The following ADIG variants were observed in gnomAD, a reference collection of about 807,000 sequenced individuals.
ADIG encodes adipogenin.
In ADIG, 12 loss-of-function variants were observed where a neutral mutation model predicts 10.7. That is an observed-to-expected ratio of 1.12 (90% CI 0.72 to 1.82). The LOEUF (loss-of-function observed/expected upper bound fraction) is 1.82, where lower values mean the gene tolerates loss of function less well. Ranked by LOEUF, ADIG falls within the 40% of genes most tolerant of loss-of-function variation. The probability of loss-of-function intolerance (pLI) is 0.00; values close to 1 mark genes in which losing one functional copy is unlikely to be tolerated. For synonymous variants in ADIG, 32 were observed against 35.6 expected (o/e 0.90, Z 0.36); for missense variants, 72 against 92.5 (o/e 0.78, Z 0.91).
rs1405429227 is a variant in ADIG at position 38,588,236 on chromosome 20, T to A, written c.*150T>A. The A allele has an allele frequency of 1.5e-6, 2 of 1,304,274 alleles. No homozygotes were observed. Among genetic ancestry groups the A allele is most frequent in the Non-Finnish European group, 1.0e-6 (1 of 988,872 alleles). The allele number at this position is 1,304,274 out of a possible 1,614,324, so 80.8% of individuals were successfully genotyped here. A position where few individuals can be genotyped will look rare whatever the true frequency, so the allele number is the denominator to read the frequency against. On this transcript the variant is annotated 3_prime_UTR_variant, in exon 3 of 3. Coordinates refer to ENST00000537425, the MANE Select transcript of ADIG (RefSeq NM_001393816.1). ...AACTCATCTCCTCTTCAGACCGACA[T>A]GTGAAAGCCTCCAGAGGTCCCAGCC...
In ADIG at chr20:38,586,189, G is replaced by A. The variant is rs1299501526; in HGVS notation, c.*14+28G>A. 11 of 1,540,006 alleles carry A rather than the reference G, an allele frequency of 7.1e-6. No individual in the cohort carries two copies. The East Asian group carries it at 2.2e-4, about 31-fold the overall frequency. On this transcript the variant is annotated intron_variant, in intron 2 of 2. Transcript: ENST00000537425. Reference sequence around the variant, plus strand: ...GAGGCCCTTCCAGGGGCCAGGGGGAGCCTCAAGGCCCACCCAAAGCCTTGG... The same window carrying A: ...GAGGCCCTTCCAGGGGCCAGGGGGAACCTCAAGGCCCACCCAAAGCCTTGG...
rs1417280479 is a variant in ADIG, at chr20:38,581,334, G to A, written c.84G>A (p.Leu28=). The A allele has an allele frequency of 1.9e-6, 3 of 1,613,886 alleles. No homozygotes were observed. Among genetic ancestry groups the A allele is most frequent in the Non-Finnish European group, 2.5e-6 (3 of 1,179,892 alleles). ...VFWFCLPVGL[L]LLLIIWLRFL... The stretch of plus-strand genomic sequence containing the variant: ...GGTTCTGCCTCCCTGTGGGTTTGCT[G>A]TTGTTATTGATCATCTGGCTACGCT... Residue 28 remains leucine (L), a synonymous_variant, in exon 1 of 3, where the codon CTG becomes CTA. Transcript: ENST00000537425.
At chr20:38,585,577 T>C (rs555318644) in intron 1 of ADIG, 1 of 1,505,154 alleles carries the variant, frequency 6.6e-7, no homozygotes, top group South Asian at 1.2e-5. Flanking sequence ...TCTGTGGACG[T>C]GGACACAGTT....
chr20:38,586,368 C>T (rs1601120916), intron 2 of ADIG: 3 of 536,074 alleles, frequency 5.6e-6, no homozygotes, highest in African/African-American at 1.9e-5. Context: ...GCCCCCTGTG[C>T]CACAAGGAGC....
At chr20:38,583,496 T>C (rs1763218456) in intron 1 of ADIG, among the ~76,000 whole-genome samples, 1 of 152,222 alleles carries the variant, frequency 6.6e-6, no homozygotes, top group Non-Finnish European at 1.5e-5. Context: ...TATCGGGTAC[T>C]TACAGGGCAG....
chr20:38,586,634 G>A (rs1432247622), intron 2 of ADIG, among the ~76,000 whole-genome samples: 1 of 152,072 alleles, frequency 6.6e-6, no homozygotes, highest in Non-Finnish European at 1.5e-5. Flanking sequence ...CTTCTAACAC[G>A]TTTGATCGTG....
chr20:38,587,987 C>T (rs1410900034), intron 2 of ADIG, 114 bp from the exon 3 acceptor site: 1 of 1,181,012 alleles, frequency 8.5e-7, no homozygotes, highest in African/African-American at 1.6e-5. Flanking sequence ...ATCCACCTGC[C>T]TCGGCTTCCC....
At chr20:38,585,713 T>C in intron 1 of ADIG, 1 of 646,890 alleles carries the variant, frequency 1.5e-6, no homozygotes. Flanking sequence ...CCTGGATGGG[T>C]CAATAACTGT....
At chr20:38,581,950 GACATTCACC>G (rs2088594672) in intron 1 of ADIG, among the ~76,000 whole-genome samples, 1 of 152,230 alleles carries the variant, frequency 6.6e-6, no homozygotes, top group African/African-American at 2.4e-5. Context: ...GAAGCCAGCT[GACATTCACC>G]CTGACCTCAG....
chr20:38,583,139 T>G lies in ADIG; in HGVS notation c.124+1765T>G, dbSNP rs571540730. Among the ~76,000 whole-genome samples, 4 of 152,304 alleles carry G rather than the reference T, an allele frequency of 2.6e-5. No individual in the cohort carries two copies. In the South Asian group the frequency reaches 8.3e-4, roughly 32 times the overall value. On this transcript the variant is annotated intron_variant, in intron 1 of 2. Transcript: ENST00000537425. ...AGCCTCATCCTTGCTTCTTAATAGTTCCTAATAATAGTGAACCTGTTTGGA... is the reference window on the plus strand; with the variant it reads ...AGCCTCATCCTTGCTTCTTAATAGTGCCTAATAATAGTGAACCTGTTTGGA...
At chr20:38,586,568 C>G (rs1291438994) in intron 2 of ADIG, among the ~76,000 whole-genome samples, 1 of 152,174 alleles carries the variant, frequency 6.6e-6, no homozygotes, top group Non-Finnish European at 1.5e-5. Context: ...CCACCCTATC[C>G]TCCGCATCGT....
chr20:38,585,074 C>A (rs939475511), intron 1 of ADIG, among the ~76,000 whole-genome samples: 1 of 152,186 alleles, frequency 6.6e-6, no homozygotes, highest in Non-Finnish European at 1.5e-5. Context: ...TGTGCCCGGC[C>A]CCTACTGACT....
intron 1 of ADIG, 137 bp downstream of exon 1, chr20:38,581,511 C>A: frequency 7.7e-7 from 1 of 1,301,096 alleles, no homozygotes; most frequent in Non-Finnish European, 1.1e-6. Context: ...TACAAGCAGT[C>A]AACTCTTAAG....
chr20:38,581,364 A>G lies in ADIG; in HGVS notation c.114A>G (p.Leu38=). The change falls in exon 1 of 3, where the codon TTA becomes TTG. Residue 38 remains leucine, a synonymous_variant. Transcript: ENST00000537425. ...TATTGATCATCTGGCTACGCTTCTTACTTAGCCAAGGTGAGCTTCTTACCC... is the reference window on the plus strand; with the variant it reads ...TATTGATCATCTGGCTACGCTTCTTGCTTAGCCAAGGTGAGCTTCTTACCC... ...LLLLIIWLRF[L]LSQDSEENDS... The G allele has an allele frequency of 2.5e-6, 4 of 1,613,958 alleles. No individual in the cohort carries two copies. Among genetic ancestry groups the G allele is most frequent in the South Asian group, 1.1e-5 (1 of 91,078 alleles).
At chr20:38,583,911 G>A (rs1057254343) in intron 1 of ADIG, among the ~76,000 whole-genome samples, 9 of 152,298 alleles carry the variant, frequency 5.9e-5, no homozygotes, top group Middle Eastern at 3.4e-3. Context: ...ATTATTGTGC[G>A]TGTTTTGCCC....
intron 2 of ADIG, among the ~76,000 whole-genome samples, chr20:38,586,798 T>G (rs2088641587): frequency 6.6e-6 from 1 of 152,026 alleles, no homozygotes; most frequent in Admixed American, 6.6e-5. Context: ...ACCGTTCCCC[T>G]TCCACAAGCT....
At chr20:38,587,652 G>A (rs956894191) in intron 2 of ADIG, among the ~76,000 whole-genome samples, 3 of 151,410 alleles carry the variant, frequency 2.0e-5, no homozygotes, top group Non-Finnish European at 4.4e-5. Flanking sequence ...AAAGATTTTC[G>A]GACGCTGCAC....
At chr20:38,583,921 C>G (rs1322264761) in intron 1 of ADIG, among the ~76,000 whole-genome samples, 1 of 152,170 alleles carries the variant, frequency 6.6e-6, no homozygotes, top group Non-Finnish European at 1.5e-5. Flanking sequence ...GTGTTTTGCC[C>G]TTGTGCTGGG....
intron 1 of ADIG, among the ~76,000 whole-genome samples, chr20:38,583,881 C>T (rs888770559): frequency 2.0e-5 from 3 of 152,282 alleles, no homozygotes; most frequent in Admixed American, 6.5e-5. Context: ...TCAGGTTCTC[C>T]GTCTTCTAAA....
Sources: allele counts gnomAD v4.1 joint callset (sites outside exome capture counted in the v4.1 genomes callset), GRCh38; gene constraint gnomAD v4.1.1; transcripts MANE v1.5; gene names NCBI Gene and HGNC (gene_info 2026-07-23, HGNC 2026-07-21).